The following DOCK7 variants were observed in gnomAD, a reference collection of about 807,000 sequenced individuals.
DOCK7 encodes dedicator of cytokinesis protein 7.
DOCK7 carries 138 observed loss-of-function variants against 271.0 expected under a neutral mutation model. That is an observed-to-expected ratio of 0.51 (90% CI 0.44 to 0.59). The LOEUF (loss-of-function observed/expected upper bound fraction) is 0.59, where lower values mean the gene tolerates loss of function less well. Among genes scored for constraint, DOCK7 ranks in the 20% least tolerant of loss-of-function variants. The pLI is 0.00. For synonymous variants in DOCK7, 823 were observed against 876.1 expected (o/e 0.94, Z 1.07); for missense variants, 2,066 against 2,592.4 (o/e 0.80, Z 4.41).
intron 43 of DOCK7, chr1:62,484,244 T>C (rs1646227706): frequency 6.6e-6 from 1 of 152,012 alleles, no homozygotes; most frequent in Non-Finnish European, 1.5e-5. Context: ...ATCTCAAAAG[T>C]TAGGGTAATC....
chr1:62,495,789 G>A (rs558226082), intron 38 of DOCK7, 108 bp from the exon 39 acceptor site: 13 of 868,044 alleles, frequency 1.5e-5, no homozygotes, highest in Admixed American at 3.1e-5. Flanking sequence ...TTCAAAACAA[G>A]TTGTAGGATA....
At chr1:62,572,335 C>T (rs1381512457) in intron 18 of DOCK7, among the ~76,000 whole-genome samples, 2 of 152,226 alleles carry the variant, frequency 1.3e-5, no homozygotes, top group African/African-American at 2.4e-5. Flanking sequence ...GTAGCACTTT[C>T]CAAGTGCCTG....
intron 48 of DOCK7, 43 bp from the exon 49 acceptor site, chr1:62,457,748 G>C: frequency 6.3e-7 from 1 of 1,589,230 alleles, no homozygotes; most frequent in Non-Finnish European, 8.6e-7. Context: ...TTCTGGCATA[G>C]TTTGTGGGTT....
intron 18 of DOCK7, among the ~76,000 whole-genome samples, chr1:62,569,262 C>A (rs527884715): frequency 3.8e-4 from 58 of 152,146 alleles, no homozygotes; most frequent in African/African-American, 1.3e-3. Flanking sequence ...TGATACCAAA[C>A]CCTGGCAAAG....
At chr1:62,585,951 T>C (rs545077147) in intron 15 of DOCK7, among the ~76,000 whole-genome samples, 3 of 152,296 alleles carry the variant, frequency 2.0e-5, no homozygotes, top group Admixed American at 6.5e-5. Context: ...ACTGGTAGTT[T>C]GAAAAGCTTC....
chr1:62,494,998 T>C (rs1646579341), intron 39 of DOCK7: 2 of 152,338 alleles, frequency 1.3e-5, no homozygotes, highest in African/African-American at 4.8e-5. Flanking sequence ...CCCTTAGAAA[T>C]ATCATTCTTC....
chr1:62,599,967 T>C (rs993438051), intron 14 of DOCK7, among the ~76,000 whole-genome samples: 2 of 151,924 alleles, frequency 1.3e-5, no homozygotes, highest in Non-Finnish European at 2.9e-5. Context: ...TCAGAGAAAC[T>C]GGTAAACAAA....
intron 41 of DOCK7, among the ~76,000 whole-genome samples, chr1:62,489,405 C>T (rs535036304): frequency 5.3e-5 from 8 of 152,134 alleles, no homozygotes; most frequent in Non-Finnish European, 7.4e-5. Flanking sequence ...GCTGAGACCG[C>T]GCCACTGCAC....
At chr1:62,461,593 G>A (rs911514491) in intron 48 of DOCK7, among the ~76,000 whole-genome samples, 9 of 151,538 alleles carry the variant, frequency 5.9e-5, no homozygotes, top group African/African-American at 2.2e-4. Context: ...CTTGAATCCA[G>A]CAGGTCAAGG....
rs182002210 is a variant in DOCK7, at chr1:62,529,771, T to A, written c.3612-325A>T. 3.7e-3 allele frequency among the ~76,000 whole-genome samples: 564 copies of A among 152,352 alleles called. 3 individuals are homozygous for A. The highest frequency in any genetic ancestry group is 6.4e-3 in the Non-Finnish European group (435 of 68,036). On this transcript the variant is annotated intron_variant, in intron 29 of 49. Coordinates refer to ENST00000635253, the MANE Select transcript of DOCK7 (RefSeq NM_001367561.1). Reference sequence around the variant, plus strand: ...AACTAAGACTACTTATAGTTACATTTTGAAGCTAAACAAGGTAAATTTTAA... The same window carrying A: ...AACTAAGACTACTTATAGTTACATTATGAAGCTAAACAAGGTAAATTTTAA...
At chr1:62,649,582 AT>A (rs1416223768) in intron 4 of DOCK7, among the ~76,000 whole-genome samples, 1 of 152,206 alleles carries the variant, frequency 6.6e-6, no homozygotes, top group African/African-American at 2.4e-5. Context: ...ACTGAATTCT[AT>A]ACTAAAAAAA....
intron 1 of DOCK7, among the ~76,000 whole-genome samples, chr1:62,680,946 A>G (rs1276208912): frequency 1.3e-5 from 2 of 152,220 alleles, no homozygotes; most frequent in Non-Finnish European, 2.9e-5. Flanking sequence ...GGGACTGTAA[A>G]CTAATTCAAC....
chr1:62,591,718 A>C (rs1302633316), intron 14 of DOCK7, among the ~76,000 whole-genome samples: 1 of 152,160 alleles, frequency 6.6e-6, no homozygotes, highest in Non-Finnish European at 1.5e-5. Context: ...CATGGACATG[A>C]CTGGCTACTT....
intron 43 of DOCK7, chr1:62,485,499 C>T (rs1571254287): frequency 1.0e-6 from 1 of 985,344 alleles, no homozygotes; most frequent in South Asian, 4.7e-5. Context: ...ATTCAAAGAG[C>T]CTTTCTACAA....
At chr1:62,480,262 C>G (rs1168011) in intron 43 of DOCK7, among the ~76,000 whole-genome samples, 152,318 of 152,318 alleles carry the variant, frequency 1, 76,159 homozygotes, top group Non-Finnish European at 1. Flanking sequence ...ATGTCACCTT[C>G]AATCTGAACA....
chr1:62,571,769 G>A (rs886213874), intron 18 of DOCK7, among the ~76,000 whole-genome samples: 29 of 152,156 alleles, frequency 1.9e-4, no homozygotes, highest in Non-Finnish European at 3.5e-4. Flanking sequence ...GGATGGAGCT[G>A]GAAGCCATTA....
chr1:62,676,536 A>G (rs1056334183), intron 1 of DOCK7, among the ~76,000 whole-genome samples: 5 of 152,202 alleles, frequency 3.3e-5, no homozygotes, highest in African/African-American at 9.6e-5. Flanking sequence ...GTATACCTCA[A>G]TAAAGCTGGG....
chr1:62,671,014 G>A (rs1000011674), intron 1 of DOCK7, among the ~76,000 whole-genome samples: 1 of 151,308 alleles, frequency 6.6e-6, no homozygotes, highest in Non-Finnish European at 1.5e-5. Context: ...CCCACCGGGA[G>A]GAACGAACAA....
chr1:62,492,763 A>G lies in DOCK7; in HGVS notation c.5302T>C (p.Tyr1768His), dbSNP rs1357890326. 12 of 1,614,120 alleles carry G rather than the reference A, an allele frequency of 7.4e-6. No homozygotes were observed. The highest frequency in any genetic ancestry group is 1.0e-5 in the Non-Finnish European group (12 of 1,180,000). The change falls in exon 41 of 50, where the codon TAC becomes CAC. Residue 1768 changes from tyrosine to histidine, a missense_variant. Physicochemically the swap from Tyr to His is moderately conservative, Grantham distance 83 (BLOSUM62 2). Transcript: ENST00000635253. ...PDEEGICSGK[Y>H]FTESGLVGLL... Reference sequence around the variant, plus strand: ...CCCACAAGTCCTGACTCAGTAAAGTATTTTCCAGAGCAGATACCTTCTTCA... The same window carrying G: ...CCCACAAGTCCTGACTCAGTAAAGTGTTTTCCAGAGCAGATACCTTCTTCA...
Sources: gnomAD v4.1 joint callset for allele counts (sites outside exome capture counted in the v4.1 genomes callset) on GRCh38, gnomAD v4.1.1 for gene constraint, MANE v1.5 for transcripts, NCBI Gene and HGNC (gene_info 2026-07-23, HGNC 2026-07-21) for gene names.